SPAST: variants seen among roughly 807,000 people sequenced by gnomAD.
The protein encoded by SPAST is spastic paraplegia 4 (autosomal dominant; spastin).
Under a neutral mutation model 76.6 loss-of-function variants are expected in SPAST, and 30 were observed. The observed-to-expected ratio is 0.39, with a 90% confidence interval of 0.29 to 0.53. SPAST has a LOEUF of 0.53. Ranked by LOEUF, SPAST falls within the 20% of genes least tolerant of loss-of-function variation. The pLI, the probability that SPAST is intolerant of heterozygous loss-of-function variation, is 0.68. For missense variants in SPAST, 717 were observed against 770.5 expected, an observed-to-expected ratio of 0.93 and a Z score of 0.82; for synonymous variants, 305 against 281.0, an observed-to-expected ratio of 1.09 and a Z score of -0.86.
At chr2:32,078,425 C>G (rs1226548395) in intron 1 of SPAST, among the ~76,000 whole-genome samples, 1 of 152,176 alleles carries the variant, frequency 6.6e-6, no homozygotes, top group African/African-American at 2.4e-5. Context: ...ATCTACCCTC[C>G]TTAGCCTCCC....
At chr2:32,090,660 T>G (rs1490437233) in intron 3 of SPAST, among the ~76,000 whole-genome samples, 1 of 152,246 alleles carries the variant, frequency 6.6e-6, no homozygotes, top group Non-Finnish European at 1.5e-5. Flanking sequence ...TCTCTTTTAA[T>G]GTACAGGTTC....
intron 7 of SPAST, among the ~76,000 whole-genome samples, chr2:32,121,529 T>C (rs569151368): frequency 1.4e-5 from 2 of 147,972 alleles, no homozygotes; most frequent in Middle Eastern, 3.5e-3. Flanking sequence ...TGTTTCATCT[T>C]TCTCACTTTT....
At chr2:32,080,768 T>C (rs1677187564) in intron 1 of SPAST, among the ~76,000 whole-genome samples, 1 of 149,206 alleles carries the variant, frequency 6.7e-6, no homozygotes, top group South Asian at 2.1e-4. Flanking sequence ...AGTTCTTGTA[T>C]GGTCTGGCTC....
At position 32,063,658 on chromosome 2, in the gene SPAST, G is replaced by A. The variant is rs1008952510; in HGVS notation, c.-174G>A. The A allele has an allele frequency of 3.8e-6, 3 of 796,750 alleles. No individual in the cohort carries two copies. The highest frequency in any genetic ancestry group is 2.9e-5 in the Admixed American group (1 of 34,144). 49.4% of individuals were successfully genotyped at this position (796,750 alleles called of 1,614,324 possible). On this transcript the variant is annotated 5_prime_UTR_variant, in exon 1 of 17. Coordinates refer to ENST00000315285, the MANE Select transcript of SPAST (RefSeq NM_014946.4). ...AGGAGAAGGGGTTGTGCTCCTGGCC[G>A]AGGAAGGAGAAAGGGGCGGGGCCGG...
chr2:32,101,300 A>G (rs1573092182), intron 4 of SPAST, among the ~76,000 whole-genome samples: 1 of 151,938 alleles, frequency 6.6e-6, no homozygotes, highest in Non-Finnish European at 1.5e-5. Context: ...CCACTTTTTG[A>G]TGGGGTTGTT....
intron 4 of SPAST, among the ~76,000 whole-genome samples, chr2:32,110,793 A>C (rs1173064900): frequency 7.1e-6 from 1 of 141,032 alleles, no homozygotes. Context: ...TATATAGTAT[A>C]GTATACATAG....
intron 4 of SPAST, among the ~76,000 whole-genome samples, chr2:32,111,989 T>C (rs1447863306): frequency 1.4e-5 from 2 of 146,980 alleles, no homozygotes; most frequent in Non-Finnish European, 3.0e-5. Flanking sequence ...GTAGTAGTAG[T>C]AGTAGTAGTA....
intron 1 of SPAST, among the ~76,000 whole-genome samples, chr2:32,075,701 C>T (rs1319886537): frequency 6.6e-6 from 1 of 150,424 alleles, no homozygotes; most frequent in Non-Finnish European, 1.5e-5. Context: ...AGGCACATGG[C>T]ACCATGCCCA....
At position 32,089,615 on chromosome 2, in the gene SPAST, A is replaced by ATT. The variant is rs759064165; in HGVS notation, c.586+10_586+11insTT. 2 of 1,403,514 alleles carry ATT rather than the reference A, an allele frequency of 1.4e-6. No homozygotes were observed. Among genetic ancestry groups the ATT allele is most frequent in the East Asian group, 4.6e-5 (2 of 43,952 alleles). 86.9% of individuals were successfully genotyped at this position (1,403,514 alleles called of 1,614,324 possible). A position where few individuals can be genotyped will look rare whatever the true frequency, so the allele number is the denominator to read the frequency against. On this transcript the variant is annotated intron_variant, in intron 3 of 16. Coordinates refer to ENST00000315285, the MANE Select transcript of SPAST (RefSeq NM_014946.4). ...CGCTTACAACTTCTAGGTATCAATT[A>ATT]ATGTATAATTTGATGTGGGATGTAT...
chr2:32,137,270 C>T (rs1036041724), intron 12 of SPAST, 82 bp downstream of exon 12: 11 of 1,113,738 alleles, frequency 9.9e-6, no homozygotes, highest in Middle Eastern at 1.9e-4. Flanking sequence ...TATTTCCTTA[C>T]TCTCAGTTTT....
intron 1 of SPAST, among the ~76,000 whole-genome samples, chr2:32,086,325 G>C (rs1044407475): frequency 1.6e-4 from 25 of 152,000 alleles, no homozygotes; most frequent in African/African-American, 5.5e-4. Context: ...AGCTAAGTGT[G>C]GTGGCACATG....
intron 3 of SPAST, 60 bp from the exon 4 acceptor site, chr2:32,098,736 G>A: frequency 3.6e-6 from 4 of 1,114,038 alleles, no homozygotes; most frequent in Non-Finnish European, 5.5e-6. Context: ...CATTTTATTT[G>A]TTCATTATCT....
Position 32,115,733 on chromosome 2 carries a change from C to CTT in SPAST, c.903_904dup (p.Ser302PhefsTer14), listed in dbSNP as rs1678804048. Reference sequence around the variant, plus strand: ...CCGAAAACAAATAGGACAAATAAACCTTCTACCCCTACAACTGCTACTCGT... The same window carrying CTT: ...CCGAAAACAAATAGGACAAATAAACCTTTTCTACCCCTACAACTGCTACTCGT... On this transcript the variant is annotated frameshift_variant, in exon 6 of 17. Coordinates refer to ENST00000315285, the MANE Select transcript of SPAST (RefSeq NM_014946.4). LOFTEE classifies it high-confidence loss of function. 1.2e-6 allele frequency: 2 copies of CTT among 1,610,892 alleles called. No homozygotes were observed. Among genetic ancestry groups the CTT allele is most frequent in the East Asian group, 4.5e-5 (2 of 44,686 alleles).
Position 32,141,768 on chromosome 2 carries a change from A to G in SPAST, c.1494-136A>G, listed in dbSNP as rs965911742. 4.4e-6 allele frequency: 3 copies of G among 682,180 alleles called. No individual in the cohort carries two copies. The Admixed American group carries it at 8.3e-5, about 19-fold the overall frequency. The allele number at this position is 682,180 out of a possible 1,614,324, so 42.3% of individuals were successfully genotyped here. ...CTAGAGTTTTAAAAGAGTAACAAAA[A>G]TATTTTTACATTGATAACTACCAAA... On this transcript the variant is annotated intron_variant, in intron 12 of 16. Transcript: ENST00000315285.
chr2:32,137,074 TC>T, intron 11 of SPAST, 34 bp from the exon 12 acceptor site: 1 of 1,588,318 alleles, frequency 6.3e-7, no homozygotes, highest in Middle Eastern at 1.7e-4. Flanking sequence ...TTATTACTTT[TC>T]TAAATGAATT....
chr2:32,090,059 C>T (rs528124625), intron 3 of SPAST, among the ~76,000 whole-genome samples: 1 of 152,366 alleles, frequency 6.6e-6, no homozygotes, highest in Admixed American at 6.5e-5. Context: ...CCAACGCGCC[C>T]AGCCGAGCAT....
intron 4 of SPAST, among the ~76,000 whole-genome samples, chr2:32,101,688 C>T (rs528743855): frequency 4.6e-5 from 7 of 152,272 alleles, no homozygotes; most frequent in East Asian, 1.9e-4. Flanking sequence ...CAGCTTTGTA[C>T]GTTTGGCTAG....
At chr2:32,131,863 T>C (rs922551782) in intron 9 of SPAST, among the ~76,000 whole-genome samples, 1 of 151,494 alleles carries the variant, frequency 6.6e-6, no homozygotes, top group African/African-American at 2.4e-5. Context: ...GGTTTCACCA[T>C]GTTGGCCAGG....
At chr2:32,142,076 T>C in intron 13 of SPAST, 130 bp downstream of exon 13, 1 of 739,286 alleles carries the variant, frequency 1.4e-6, no homozygotes. Context: ...TAAAAAGATG[T>C]ACATAAGCTT....
Sources: allele counts gnomAD v4.1 joint callset (sites outside exome capture counted in the v4.1 genomes callset), GRCh38; gene constraint gnomAD v4.1.1; transcripts MANE v1.5; gene names NCBI Gene and HGNC (gene_info 2026-07-23, HGNC 2026-07-21).